Variants in PDE1A observed in about 807,000 individuals in gnomAD.
The protein encoded by PDE1A is dual specificity calcium/calmodulin-dependent 3',5'-cyclic nucleotide phosphodiesterase 1A.
PDE1A carries 35 observed loss-of-function variants against 61.7 expected under a neutral mutation model. The observed-to-expected ratio is 0.57, with a 90% CI of 0.43 to 0.75. The LOEUF (loss-of-function observed/expected upper bound fraction) is 0.75, where lower values mean the gene tolerates loss of function less well. PDE1A is among the 30% of genes least tolerant of loss of function. PDE1A has a pLI of 0.00. For synonymous variants in PDE1A, 232 were observed against 213.2 expected (o/e 1.09, Z -0.77); for missense variants, 597 against 630.6 (o/e 0.95, Z 0.57).
intron 1 of PDE1A, among the ~76,000 whole-genome samples, chr2:182,359,473 T>G (rs1699379695): frequency 6.6e-6 from 1 of 152,176 alleles, no homozygotes; most frequent in Admixed American, 6.6e-5. Flanking sequence ...ATGATTTACG[T>G]AAATGACTTT....
the PDE1A span, among the ~76,000 whole-genome samples, chr2:182,695,680 AAAAAAGAAAAAG>A: frequency 8.2e-4 from 80 of 97,824 alleles, no homozygotes; most frequent in Non-Finnish European, 1.3e-3. Flanking sequence ...AAAAAAAAAA[AAAAAAGAAAAAG>A]AAAAAGAAAA....
At chr2:182,214,670 G>A (rs1310071629) in intron 7 of PDE1A, among the ~76,000 whole-genome samples, 11 of 146,010 alleles carry the variant, frequency 7.5e-5, no homozygotes, top group African/African-American at 2.8e-4. Flanking sequence ...GACAAAGAAG[G>A]CCATTACATA....
the PDE1A span, among the ~76,000 whole-genome samples, chr2:182,571,513 G>C: frequency 6.6e-6 from 1 of 152,042 alleles, no homozygotes; most frequent in Admixed American, 6.6e-5. Context: ...TTATAAGGAA[G>C]CTGATGTCTC....
In PDE1A at chr2:182,205,630, TA is replaced by T. The variant is rs553302804; in HGVS notation, c.902+309del. Among the ~76,000 whole-genome samples, 3 of 152,334 alleles carry T rather than the reference TA, an allele frequency of 2.0e-5. No individual in the cohort carries two copies. In the South Asian group the frequency reaches 6.2e-4, roughly 32 times the overall value. On this transcript the variant is annotated intron_variant, in intron 8 of 13. Transcript: ENST00000351439. ...GAATTTATGTAACACCCCATATTGATAAAAATTGAGCAGAGCTCCATTCCAG... is the reference window on the plus strand; with the variant it reads ...GAATTTATGTAACACCCCATATTGATAAAATTGAGCAGAGCTCCATTCCAG...
the PDE1A span, among the ~76,000 whole-genome samples, chr2:182,640,612 A>T: frequency 6.6e-6 from 1 of 152,336 alleles, no homozygotes; most frequent in South Asian, 2.1e-4. Flanking sequence ...AGAAGATAAA[A>T]TGCTAATTTT....
intron 1 of PDE1A, among the ~76,000 whole-genome samples, chr2:182,307,353 A>G (rs888642675): frequency 6.6e-6 from 1 of 152,128 alleles, no homozygotes; most frequent in African/African-American, 2.4e-5. Flanking sequence ...CTGTTCTCAC[A>G]GGACTGTGTT....
chr2:182,522,924 T>TC (rs1169023108), upstream of PDE1A: 1 of 152,256 alleles, frequency 6.6e-6, no homozygotes, highest in Non-Finnish European at 1.5e-5. Context: ...AAGGTTTTTT[T>TC]CTCTAAATTG....
intron 1 of PDE1A, among the ~76,000 whole-genome samples, chr2:182,293,350 A>T (rs2125892662): frequency 6.6e-6 from 1 of 152,276 alleles, no homozygotes; most frequent in East Asian, 1.9e-4. Context: ...TAGCGCTTTG[A>T]TTTTAAAAAA....
intron 2 of PDE1A, among the ~76,000 whole-genome samples, chr2:182,475,204 G>C (rs771249097): frequency 6.6e-6 from 1 of 151,908 alleles, no homozygotes; most frequent in Admixed American, 6.6e-5. Flanking sequence ...TCAGGAATGG[G>C]ATGTCTTCCA....
chr2:182,528,343 G>A, the PDE1A span, among the ~76,000 whole-genome samples: 2 of 152,162 alleles, frequency 1.3e-5, no homozygotes, highest in Non-Finnish European at 2.9e-5. Context: ...CTTTGCCCCT[G>A]CCCTAGAGAT....
At chr2:182,374,749 T>C (rs1391385784) in intron 1 of PDE1A, among the ~76,000 whole-genome samples, 1 of 152,066 alleles carries the variant, frequency 6.6e-6, no homozygotes, top group Non-Finnish European at 1.5e-5. Context: ...AAAAGGGAAA[T>C]ACAAATTAAA....
intron 1 of PDE1A, among the ~76,000 whole-genome samples, chr2:182,395,068 C>T (rs1701626528): frequency 1.3e-5 from 2 of 152,234 alleles, no homozygotes; most frequent in African/African-American, 4.8e-5. Flanking sequence ...GCTGTAGCTG[C>T]TGTACCAGAT....
At chr2:182,368,196 A>G (rs1035212324) in intron 1 of PDE1A, among the ~76,000 whole-genome samples, 3 of 152,132 alleles carry the variant, frequency 2.0e-5, no homozygotes, top group Non-Finnish European at 4.4e-5. Context: ...CACTTTTTCC[A>G]TAACACTTTC....
intron 13 of PDE1A, among the ~76,000 whole-genome samples, chr2:182,155,743 T>C (rs1436377745): frequency 2.0e-5 from 3 of 152,048 alleles, no homozygotes; most frequent in Non-Finnish European, 2.9e-5. Context: ...TACAGAAAAT[T>C]AGCTGGGTGT....
chr2:182,559,339 G>T, the PDE1A span, among the ~76,000 whole-genome samples: 5 of 152,068 alleles, frequency 3.3e-5, no homozygotes. Flanking sequence ...ACTATGGTAA[G>T]AAGCTTGGAT....
At chr2:182,668,916 T>G in the PDE1A span, among the ~76,000 whole-genome samples, 3 of 152,212 alleles carry the variant, frequency 2.0e-5, no homozygotes, top group Non-Finnish European at 2.9e-5. Flanking sequence ...CAACAGTGGC[T>G]CAGAGCCAAG....
intron 1 of PDE1A, among the ~76,000 whole-genome samples, chr2:182,264,878 C>CATTATATATAT (rs1553560263): frequency 9.4e-6 from 1 of 106,878 alleles, no homozygotes; most frequent in Non-Finnish European, 1.9e-5. Flanking sequence ...TATATATATA[C>CATTATATATAT]ATATATATAT....
At chr2:182,416,977 GA>G (rs1036680416) in intron 1 of PDE1A, among the ~76,000 whole-genome samples, 1 of 152,184 alleles carries the variant, frequency 6.6e-6, no homozygotes, top group Non-Finnish European at 1.5e-5. Context: ...CTGAGCTCAA[GA>G]TTCAGTTCAT....
intron 2 of PDE1A, among the ~76,000 whole-genome samples, chr2:182,471,668 G>C (rs1687037300): frequency 6.6e-6 from 1 of 151,718 alleles, no homozygotes; most frequent in Non-Finnish European, 1.5e-5. Flanking sequence ...TTGTAGAAAA[G>C]TTTCTTGAAT....
Sources: allele counts gnomAD v4.1 joint callset (sites outside exome capture counted in the v4.1 genomes callset), GRCh38; gene constraint gnomAD v4.1.1; transcripts MANE v1.5; gene names NCBI Gene and HGNC (gene_info 2026-07-23, HGNC 2026-07-21).